Variants in SIPA1L1 observed in about 807,000 individuals in gnomAD.
SIPA1L1 encodes signal induced proliferation associated 1 like 1.
SIPA1L1 carries 26 observed loss-of-function variants against 162.7 expected under a neutral mutation model. The observed-to-expected ratio is 0.16, with a 90% CI of 0.12 to 0.22. The LOEUF is 0.22. Ranked by LOEUF, SIPA1L1 falls within the 10% of genes least tolerant of loss-of-function variation. The pLI, the probability that SIPA1L1 is intolerant of heterozygous loss-of-function variation, is 1.00. For missense variants in SIPA1L1, 1,874 were observed against 2,241.0 expected (o/e 0.84, Z 3.31); for synonymous variants, 829 against 837.4 (o/e 0.99, Z 0.17).
At chr14:71,544,548 G>A (rs1277324410) in intron 4 of SIPA1L1, among the ~76,000 whole-genome samples, 1 of 151,746 alleles carries the variant, frequency 6.6e-6, no homozygotes, top group East Asian at 1.9e-4. Context: ...AGCCAATATT[G>A]GGAAGATATT....
chr14:71,713,949 T>C (rs1319845365), intron 17 of SIPA1L1, among the ~76,000 whole-genome samples: 1 of 152,206 alleles, frequency 6.6e-6, no homozygotes, highest in Non-Finnish European at 1.5e-5. Context: ...GAGAATGTTA[T>C]TTTTCTAAAT....
intron 12 of SIPA1L1, 24 bp downstream of exon 12, chr14:71,672,646 G>T (rs373027571): frequency 3.9e-5 from 62 of 1,606,980 alleles, no homozygotes; most frequent in Non-Finnish European, 5.0e-5. Context: ...GACAGCTGTG[G>T]GCCTGAGACT....
chr14:71,650,760 G>A (rs540446518), intron 8 of SIPA1L1, among the ~76,000 whole-genome samples: 3 of 152,264 alleles, frequency 2.0e-5, no homozygotes, highest in Admixed American at 6.5e-5. Flanking sequence ...GACACAGATC[G>A]TGCAGAATTG....
intron 3 of SIPA1L1, among the ~76,000 whole-genome samples, chr14:71,519,791 C>T (rs1203375154): frequency 1.3e-5 from 2 of 152,084 alleles, no homozygotes; most frequent in Non-Finnish European, 2.9e-5. Context: ...TACCACTGCA[C>T]TCCAGCCTGG....
intron 5 of SIPA1L1, among the ~76,000 whole-genome samples, chr14:71,610,704 T>A (rs1480174627): frequency 6.6e-6 from 1 of 152,230 alleles, no homozygotes; most frequent in Non-Finnish European, 1.5e-5. Context: ...AATAGGGTTT[T>A]CTTTGTATTT....
At chr14:71,707,775 C>T (rs188246321) in intron 16 of SIPA1L1, among the ~76,000 whole-genome samples, 20 of 152,096 alleles carry the variant, frequency 1.3e-4, no homozygotes, top group Admixed American at 2.6e-4. Context: ...TAAACATCCA[C>T]GTACAATGAA....
chr14:71,381,370 T>C (rs927522291), intron 2 of SIPA1L1, among the ~76,000 whole-genome samples: 1 of 152,142 alleles, frequency 6.6e-6, no homozygotes, highest in Non-Finnish European at 1.5e-5. Context: ...ACTTATTTAA[T>C]GAGTTTGGAA....
chr14:71,662,882 A>G (rs78376560), intron 10 of SIPA1L1, among the ~76,000 whole-genome samples: 2,878 of 152,372 alleles, frequency 0.019, 31 homozygotes, highest in Non-Finnish European at 0.031. Flanking sequence ...ATTTGCATTT[A>G]GAAAATACTC....
At chr14:71,344,838 G>A (rs2140473310) in intron 2 of SIPA1L1, among the ~76,000 whole-genome samples, 1 of 152,242 alleles carries the variant, frequency 6.6e-6, no homozygotes, top group African/African-American at 2.4e-5. Flanking sequence ...ACTGCTAGGA[G>A]GTGTCGTGAG....
chr14:71,476,621 C>A (rs1272809509), intron 2 of SIPA1L1, among the ~76,000 whole-genome samples: 1 of 151,240 alleles, frequency 6.6e-6, no homozygotes, highest in Non-Finnish European at 1.5e-5. Flanking sequence ...TTTTGTGCCT[C>A]CGAATAACAA....
intron 22 of SIPA1L1, 52 bp from the exon 23 acceptor site, chr14:71,738,189 A>AAACCC: frequency 4.2e-6 from 4 of 960,594 alleles, no homozygotes; most frequent in Non-Finnish European, 6.2e-6. Context: ...AAAAAAAACA[A>AAACCC]ACCCAGCCAT....
intron 2 of SIPA1L1, among the ~76,000 whole-genome samples, chr14:71,480,693 C>T (rs377267375): frequency 5.1e-4 from 77 of 152,040 alleles, no homozygotes; most frequent in African/African-American, 1.8e-3. Flanking sequence ...ACCCAGGAGG[C>T]GGAGTTTGAA....
At chr14:71,335,741 A>C (rs1219834332) in intron 2 of SIPA1L1, among the ~76,000 whole-genome samples, 1 of 152,186 alleles carries the variant, frequency 6.6e-6, no homozygotes, top group African/African-American at 2.4e-5. Flanking sequence ...AGGTCTTCAG[A>C]TTTATAAAAT....
intron 13 of SIPA1L1, among the ~76,000 whole-genome samples, chr14:71,689,600 G>T (rs2081110129): frequency 6.6e-6 from 1 of 152,156 alleles, no homozygotes; most frequent in South Asian, 2.1e-4. Context: ...TATTTGAGGG[G>T]CTTTGGATAA....
intron 4 of SIPA1L1, among the ~76,000 whole-genome samples, chr14:71,556,613 A>G (rs149851139): frequency 6.6e-6 from 1 of 152,370 alleles, no homozygotes; most frequent in East Asian, 1.9e-4. Flanking sequence ...AAAGGATATT[A>G]CAAAGGATTC....
intron 2 of SIPA1L1, among the ~76,000 whole-genome samples, chr14:71,408,253 G>A (rs538634096): frequency 1.4e-4 from 21 of 152,292 alleles, no homozygotes; most frequent in African/African-American, 5.1e-4. Context: ...CTTCCCAAGT[G>A]TCTGGTCTTT....
intron 2 of SIPA1L1, among the ~76,000 whole-genome samples, chr14:71,409,814 T>G (rs759426487): frequency 2.2e-4 from 34 of 152,196 alleles, no homozygotes; most frequent in Non-Finnish European, 4.4e-5. Flanking sequence ...TTGCAACATT[T>G]TTGTAGGTTG....
intron 17 of SIPA1L1, among the ~76,000 whole-genome samples, chr14:71,717,213 A>G (rs769028612): frequency 1.3e-5 from 2 of 152,192 alleles, no homozygotes; most frequent in Non-Finnish European, 2.9e-5. Context: ...TATATGGGGT[A>G]TCATGTACTT....
chr14:71,523,462 T>TA (rs1466364671), intron 3 of SIPA1L1, among the ~76,000 whole-genome samples: 1 of 152,190 alleles, frequency 6.6e-6, no homozygotes, highest in Non-Finnish European at 1.5e-5. Flanking sequence ...GTTAATATCT[T>TA]ACATAACTAT....
Sources: allele counts gnomAD v4.1 joint callset (sites outside exome capture counted in the v4.1 genomes callset), GRCh38; gene constraint gnomAD v4.1.1; transcripts MANE v1.5; gene names NCBI Gene and HGNC (gene_info 2026-07-23, HGNC 2026-07-21).